Variants in FOXP1 observed in about 807,000 individuals in gnomAD.
FOXP1 encodes the protein forkhead box protein P1.
Under a neutral mutation model 98.2 loss-of-function variants are expected in FOXP1, and 15 were observed. The observed-to-expected ratio is 0.15, with a 90% CI of 0.10 to 0.24. The LOEUF is 0.24. Ranked by LOEUF, FOXP1 falls within the 10% of genes least tolerant of loss-of-function variation. The pLI is 1.00. For synonymous variants in FOXP1, 371 were observed against 314.5 expected, an observed-to-expected ratio of 1.18 and a Z score of -1.90; for missense variants, 633 against 848.5, an observed-to-expected ratio of 0.75 and a Z score of 3.15.
chr3:71,538,841 C>T (rs1016868249), intron 2 of FOXP1, among the ~76,000 whole-genome samples: 10 of 152,138 alleles, frequency 6.6e-5, no homozygotes, highest in East Asian at 1.9e-4. Context: ...TTCGGGTCTT[C>T]GATGTGTATG....
chr3:71,019,151 GA>G (rs1433284578), intron 11 of FOXP1, among the ~76,000 whole-genome samples: 1 of 152,146 alleles, frequency 6.6e-6, no homozygotes, highest in African/African-American at 2.4e-5. Context: ...TGCCAAAAAA[GA>G]CAAGAAGGGA....
intron 3 of FOXP1, among the ~76,000 whole-genome samples, chr3:71,395,821 G>A (rs879856130): frequency 2.0e-5 from 3 of 151,012 alleles, no homozygotes; most frequent in Non-Finnish European, 4.4e-5. Flanking sequence ...TCTTTATAAT[G>A]TAGAGTCCTT....
intron 3 of FOXP1, among the ~76,000 whole-genome samples, chr3:71,475,568 C>T (rs1248281173): frequency 2.0e-5 from 3 of 152,076 alleles, no homozygotes; most frequent in African/African-American, 4.8e-5. Context: ...ATGGGCCAGG[C>T]GCAGTGACTC....
chr3:71,052,961 A>T (rs1042855654), intron 8 of FOXP1, among the ~76,000 whole-genome samples: 7 of 152,154 alleles, frequency 4.6e-5, no homozygotes, highest in African/African-American at 1.7e-4. Flanking sequence ...TTTCTAAATG[A>T]CAGGGCTGGG....
intron 5 of FOXP1, among the ~76,000 whole-genome samples, chr3:71,268,057 A>T (rs1397158508): frequency 2.0e-5 from 3 of 150,940 alleles, no homozygotes; most frequent in Non-Finnish European, 4.4e-5. Flanking sequence ...ATGATTTTAA[A>T]ATTATTTCAG....
chr3:71,397,253 CA>C (rs1269420292), intron 3 of FOXP1, among the ~76,000 whole-genome samples: 3 of 150,934 alleles, frequency 2.0e-5, no homozygotes, highest in African/African-American at 7.3e-5. Context: ...GCTTAGGAGG[CA>C]AAAACCCATT....
In FOXP1 at chr3:71,198,623, T is replaced by C. The variant is rs1247772864; in HGVS notation, c.-11-231A>G. Among the ~76,000 whole-genome samples, 8 of 152,356 alleles carry C rather than the reference T, an allele frequency of 5.3e-5. No homozygotes were observed. In the East Asian group the frequency reaches 7.7e-4, roughly 15 times the overall value. On this transcript the variant is annotated intron_variant, in intron 5 of 20. Coordinates refer to ENST00000649528, the MANE Select transcript of FOXP1 (RefSeq NM_001349338.3). ...CAAGTTTCAGTAGTATTGTTTTAAA[T>C]ATATTACTTTTTTACCCTTAGAAAA... is the stretch of plus-strand genomic sequence containing the variant.
intron 4 of FOXP1, among the ~76,000 whole-genome samples, chr3:71,306,697 G>A (rs1246867183): frequency 7.3e-6 from 1 of 137,924 alleles, no homozygotes; most frequent in Non-Finnish European, 1.5e-5. Flanking sequence ...ATCATTTAAG[G>A]AAAATAATTC....
At chr3:71,396,914 G>C (rs796912237) in intron 3 of FOXP1, among the ~76,000 whole-genome samples, 1 of 41,986 alleles carries the variant, frequency 2.4e-5, no homozygotes, top group Non-Finnish European at 6.6e-5. Context: ...ACATATATAT[G>C]TGTGTATATA....
intron 20 of FOXP1, among the ~76,000 whole-genome samples, chr3:70,959,964 T>C (rs546880342): frequency 4.6e-5 from 7 of 152,120 alleles, no homozygotes; most frequent in African/African-American, 1.4e-4. Flanking sequence ...TTACACGAAA[T>C]AAGAATCTGT....
At position 71,100,119 on chromosome 3, in the gene FOXP1, A is replaced by G. The variant is rs1157269224; in HGVS notation, c.282+12417T>C. Among the ~76,000 whole-genome samples, 4 of 152,214 alleles carry G rather than the reference A, an allele frequency of 2.6e-5. No individual in the cohort carries two copies. In the East Asian group the frequency reaches 5.8e-4, roughly 22 times the overall value. On this transcript the variant is annotated intron_variant, in intron 7 of 20. Transcript: ENST00000649528. Reference sequence around the variant, plus strand: ...CAAGCTTGGCAAACAGAAGGTGCACATAGCACTTCTCCCATCTCCAGTGCC... The same window carrying G: ...CAAGCTTGGCAAACAGAAGGTGCACGTAGCACTTCTCCCATCTCCAGTGCC...
At chr3:71,016,401 C>G (rs2044495837) in intron 11 of FOXP1, among the ~76,000 whole-genome samples, 1 of 152,142 alleles carries the variant, frequency 6.6e-6, no homozygotes, top group African/African-American at 2.4e-5. Context: ...GGAAGAGTAT[C>G]TGTTGCACTC....
intron 3 of FOXP1, among the ~76,000 whole-genome samples, chr3:71,362,947 T>C (rs1451169315): frequency 6.6e-6 from 1 of 152,202 alleles, no homozygotes; most frequent in East Asian, 1.9e-4. Context: ...GCTGAGGGTG[T>C]CTTAAAAAGT....
chr3:70,966,926 G>C (rs1306123118), intron 19 of FOXP1, among the ~76,000 whole-genome samples: 1 of 152,194 alleles, frequency 6.6e-6, no homozygotes, highest in Admixed American at 6.5e-5. Flanking sequence ...GCAGACGCTA[G>C]TTACATATAC....
intron 2 of FOXP1, among the ~76,000 whole-genome samples, chr3:71,546,154 T>A (rs1163850637): frequency 6.6e-6 from 1 of 152,022 alleles, no homozygotes; most frequent in African/African-American, 2.4e-5. Flanking sequence ...CACTCCAACA[T>A]CCAACTGCAG....
intron 7 of FOXP1, among the ~76,000 whole-genome samples, chr3:71,099,037 A>G (rs1032451784): frequency 2.0e-5 from 3 of 152,240 alleles, no homozygotes; most frequent in Non-Finnish European, 2.9e-5. Flanking sequence ...GATAAATGCT[A>G]TGATTACCAC....
At chr3:70,969,921 T>C (rs1437945665) in intron 19 of FOXP1, 1 of 152,264 alleles carries the variant, frequency 6.6e-6, no homozygotes, top group Non-Finnish European at 1.5e-5. Context: ...ACTTATGAAC[T>C]CTTGAGGGGG....
At chr3:71,243,067 A>G (rs990565578) in intron 5 of FOXP1, among the ~76,000 whole-genome samples, 1 of 152,146 alleles carries the variant, frequency 6.6e-6, no homozygotes, top group Non-Finnish European at 1.5e-5. Context: ...TAAAATTTGA[A>G]TATCTCCCCG....
intron 4 of FOXP1, among the ~76,000 whole-genome samples, chr3:71,303,088 AT>A (rs753697382): frequency 1.3e-5 from 2 of 152,144 alleles, no homozygotes; most frequent in Non-Finnish European, 2.9e-5. Flanking sequence ...GTGCAATCTC[AT>A]TTCACAAAAC....
Sources: gnomAD v4.1 joint callset for allele counts (sites outside exome capture counted in the v4.1 genomes callset) on GRCh38, gnomAD v4.1.1 for gene constraint, MANE v1.5 for transcripts, NCBI Gene and HGNC (gene_info 2026-07-23, HGNC 2026-07-21) for gene names.